Variants in EZR observed in about 807,000 individuals in gnomAD.
The protein encoded by EZR is cytovillin 2.
Under a neutral mutation model 74.8 loss-of-function variants are expected in EZR, and 40 were observed. The observed-to-expected ratio is 0.53, with a 90% confidence interval of 0.42 to 0.70. The LOEUF is 0.70. Ranked by LOEUF, EZR falls within the 30% of genes least tolerant of loss-of-function variation. The pLI is 0.00. For synonymous variants in EZR, 341 were observed against 283.3 expected (o/e 1.20, Z -2.05); for missense variants, 678 against 755.8 (o/e 0.90, Z 1.21).
At chr6:158,769,559 G>T (rs984255301) in intron 11 of EZR, 141 bp from the exon 12 acceptor site, 2 of 1,036,452 alleles carry the variant, frequency 1.9e-6, no homozygotes, top group Non-Finnish European at 2.9e-6. Flanking sequence ...TGGCCAGCAG[G>T]GTCCATTGTG....
chr6:158,802,158 G>C (rs1399225448), intron 2 of EZR, among the ~76,000 whole-genome samples: 1 of 152,184 alleles, frequency 6.6e-6, no homozygotes, highest in East Asian at 1.9e-4. Context: ...TCATTGGTTA[G>C]TACCTGCCCA....
chr6:158,766,893 C>A lies in EZR; in HGVS notation c.*21G>T. The A allele has an allele frequency of 1.2e-6, 2 of 1,611,596 alleles. No individual in the cohort carries two copies. The highest frequency in any genetic ancestry group is 8.5e-7 in the Non-Finnish European group (1 of 1,178,280). On this transcript the variant is annotated 3_prime_UTR_variant, in exon 14 of 14. Transcript: ENST00000367075. ...AGCGCCCGCTATGAGCACCCCTCTG[C>A]CCTTGGTCCTGGCCTGGCTGTTACA... is the stretch of plus-strand genomic sequence containing the variant.
rs372349918 is a variant in EZR, at chr6:158,769,369, G to C, written c.1301C>G (p.Ala434Gly). The C allele has an allele frequency of 1.2e-6, 2 of 1,609,318 alleles. No homozygotes were observed. Among genetic ancestry groups the C allele is most frequent in the Middle Eastern group, 3.3e-4 (2 of 6,062 alleles). ...YTAKIALLEE[A>G]RRRKEDEVEE... is the part of the protein sequence containing the mutation. ...AACTTCATCCTCCTTGCGCCTCCGC[G>C]CCTCTTCCAGGAGGGCAATCTTGGC... is the stretch of plus-strand genomic sequence containing the variant. Residue 434 changes from alanine (A) to glycine (G), a missense_variant, in exon 12 of 14, where the codon GCG (alanine) becomes GGG (glycine). This residue lies in a region of EZR where 342 missense variants were observed against 341.2 expected (regional missense o/e 1.00). Transcript: ENST00000367075.
intron 7 of EZR, among the ~76,000 whole-genome samples, chr6:158,781,849 T>C (rs1791442128): frequency 6.6e-6 from 1 of 151,378 alleles, no homozygotes; most frequent in Non-Finnish European, 1.5e-5. Flanking sequence ...CTACAACCTC[T>C]GCCTCCCAGG....
intron 2 of EZR, chr6:158,789,628 T>C (rs1447234668): frequency 1.8e-6 from 1 of 551,258 alleles, no homozygotes; most frequent in Non-Finnish European, 3.5e-6. Context: ...GCAGTTTTTC[T>C]CTTTTCTTTG....
chr6:158,790,325 T>A (rs1349188564), intron 2 of EZR, among the ~76,000 whole-genome samples: 2 of 151,846 alleles, frequency 1.3e-5, no homozygotes, highest in Non-Finnish European at 2.9e-5. Context: ...ATTGAGGAGG[T>A]GGAGATGGGA....
At chr6:158,789,056 A>G (rs182739682) in intron 3 of EZR, among the ~76,000 whole-genome samples, 8 of 152,360 alleles carry the variant, frequency 5.3e-5, no homozygotes, top group African/African-American at 1.9e-4. Flanking sequence ...CTGACTTTAT[A>G]CAACAGACAG....
At chr6:158,799,231 G>C (rs752801026) in intron 2 of EZR, among the ~76,000 whole-genome samples, 22 of 152,146 alleles carry the variant, frequency 1.4e-4, no homozygotes, top group Non-Finnish European at 2.5e-4. Context: ...AAATCACCCA[G>C]GGGCTTGTTA....
chr6:158,793,434 C>G (rs1791793688), intron 2 of EZR, among the ~76,000 whole-genome samples: 1 of 151,950 alleles, frequency 6.6e-6, no homozygotes, highest in Non-Finnish European at 1.5e-5. Flanking sequence ...ATAGGGCAGG[C>G]TCTACAATCT....
intron 4 of EZR, among the ~76,000 whole-genome samples, chr6:158,785,894 A>T (rs6904701): frequency 0.41 from 62,247 of 151,608 alleles, 13,386 homozygotes; most frequent in Non-Finnish European, 0.49. Context: ...AACATTTTTT[A>T]AAAAAAAGTT....
At chr6:158,814,505 G>A (rs1777513189) in intron 2 of EZR, among the ~76,000 whole-genome samples, 2 of 151,006 alleles carry the variant, frequency 1.3e-5, no homozygotes, top group Non-Finnish European at 2.9e-5. Context: ...GGTCTGCCTC[G>A]CCCTCTGTGC....
At position 158,797,478 on chromosome 6, in the gene EZR, C is replaced by CTTGGTG. The variant is rs199699242; in HGVS notation, c.13-8108_13-8107insCACCAA. On this transcript the variant is annotated intron_variant, in intron 2 of 13. Coordinates refer to ENST00000367075, the MANE Select transcript of EZR (RefSeq NM_001111077.2). ...CAAAAACCAGTCTGAGTAGAGCCAT[C>CTTGGTG]CAGCCACCACCAAGATTACATTGCG... 5.4e-3 allele frequency among the ~76,000 whole-genome samples: 816 copies of CTTGGTG among 152,242 alleles called. 3 individuals carry two copies. Among genetic ancestry groups the CTTGGTG allele is most frequent in the African/African-American group, 0.019 (773 of 41,532 alleles).
chr6:158,810,127 TTCCTC>T lies in EZR; in HGVS notation c.12+7950_12+7954del, dbSNP rs146348504. 1.1e-4 allele frequency among the ~76,000 whole-genome samples: 16 copies of T among 152,350 alleles called. No homozygotes were observed. In the East Asian group the frequency reaches 3.1e-3, roughly 29 times the overall value. ...GAGTTTGATCCTCAGGTGATACTGG[TTCCTC>T]TCCTATCAATAAAAGGTGGGTCATG... On this transcript the variant is annotated intron_variant, in intron 2 of 13. Transcript: ENST00000367075.
At chr6:158,797,305 A>T (rs535054353) in intron 2 of EZR, among the ~76,000 whole-genome samples, 1 of 152,346 alleles carries the variant, frequency 6.6e-6, no homozygotes, top group East Asian at 1.9e-4. Flanking sequence ...AAAAGTTTGC[A>T]ATAATTTTTT....
At chr6:158,793,644 G>C (rs1009203265) in intron 2 of EZR, among the ~76,000 whole-genome samples, 1 of 151,866 alleles carries the variant, frequency 6.6e-6, no homozygotes, top group African/African-American at 2.4e-5. Flanking sequence ...CAAGCACTCA[G>C]GAACGTTTAG....
intron 2 of EZR, among the ~76,000 whole-genome samples, chr6:158,795,665 G>A (rs1287768422): frequency 1.3e-5 from 2 of 152,142 alleles, no homozygotes; most frequent in African/African-American, 2.4e-5. Flanking sequence ...TCCTATCCCC[G>A]AGTGGCTTAC....
chr6:158,804,818 T>C (rs1777298245), intron 2 of EZR, among the ~76,000 whole-genome samples: 1 of 149,246 alleles, frequency 6.7e-6, no homozygotes, highest in Non-Finnish European at 1.5e-5. Context: ...ATTGTGCAGG[T>C]TAGTTACATA....
intron 2 of EZR, among the ~76,000 whole-genome samples, chr6:158,800,542 T>C (rs1777166519): frequency 6.6e-6 from 1 of 152,224 alleles, no homozygotes. Context: ...GGCTCATGCC[T>C]ATAATCCTAC....
intron 3 of EZR, among the ~76,000 whole-genome samples, chr6:158,787,647 T>G (rs773247855): frequency 1.8e-4 from 28 of 152,162 alleles, no homozygotes; most frequent in Non-Finnish European, 3.1e-4. Context: ...CACCTGAGCC[T>G]CCTCTGGCTG....
Sources: allele counts gnomAD v4.1 joint callset (sites outside exome capture counted in the v4.1 genomes callset), GRCh38; gene constraint gnomAD v4.1.1; regional missense constraint gnomAD v4.1.1; transcripts MANE v1.5; gene names NCBI Gene and HGNC (gene_info 2026-07-23, HGNC 2026-07-21).